The following ZFPM2 variants were observed in gnomAD, a reference collection of about 807,000 sequenced individuals.
ZFPM2 encodes the protein zinc finger protein, FOG family member 2, also known as zinc finger protein ZFPM2.
A neutral mutation model predicts 98.6 loss-of-function variants in ZFPM2; 20 were observed. That is an observed-to-expected ratio of 0.20 (90% confidence interval 0.14 to 0.29). The LOEUF is 0.29. Ranked by LOEUF, ZFPM2 falls within the 10% of genes least tolerant of loss-of-function variation. The pLI is 1.00. For synonymous variants in ZFPM2, 518 were observed against 502.7 expected (o/e 1.03, Z -0.41); for missense variants, 1,310 against 1,388.6 (o/e 0.94, Z 0.90).
At chr8:105,384,237 T>C (rs1810941772) in intron 1 of ZFPM2, among the ~76,000 whole-genome samples, 2 of 151,898 alleles carry the variant, frequency 1.3e-5, no homozygotes, top group African/African-American at 4.8e-5. Flanking sequence ...GTCTTTTGAG[T>C]TGCACAAGCC....
intron 4 of ZFPM2, among the ~76,000 whole-genome samples, chr8:105,627,389 A>T (rs565654168): frequency 6.6e-6 from 1 of 152,256 alleles, no homozygotes; most frequent in South Asian, 2.1e-4. Flanking sequence ...AAAATGTACA[A>T]TGTGGAGCTT....
Position 105,653,854 on chromosome 8 carries a change from C to CTTTTTTTTTTTTTTT in ZFPM2, c.532+19516_532+19530dup, listed in dbSNP as rs60218363. ...CTTTATACAACAGCTTGTGTGCTAT[C>CTTTTTTTTTTTTTTT]TTTTTTTTTTTTTTTTTTTTTTTTT... is the stretch of plus-strand genomic sequence containing the variant. On this transcript the variant is annotated intron_variant, in intron 5 of 7. Transcript: ENST00000407775. Among the ~76,000 whole-genome samples the CTTTTTTTTTTTTTTT allele has an allele frequency of 5.4e-4, 19 of 35,286 alleles. 5 individuals carry two copies. The highest frequency in any genetic ancestry group is 3.8e-3 in the South Asian group (2 of 522). 23.1% of individuals were successfully genotyped at this position (35,286 alleles called of 152,430 possible). A position where few individuals can be genotyped will look rare whatever the true frequency, so the allele number is the denominator to read the frequency against.
At chr8:105,643,568 A>G (rs1275667671) in intron 5 of ZFPM2, among the ~76,000 whole-genome samples, 1 of 152,150 alleles carries the variant, frequency 6.6e-6, no homozygotes, top group Non-Finnish European at 1.5e-5. Context: ...AATGAGTACT[A>G]TATAAATGTA....
chr8:105,413,018 A>T (rs539469569), intron 1 of ZFPM2, among the ~76,000 whole-genome samples: 1 of 152,008 alleles, frequency 6.6e-6, no homozygotes, highest in East Asian at 1.9e-4. Flanking sequence ...TTAAGAGAGG[A>T]GGGGAACGTT....
intron 1 of ZFPM2, among the ~76,000 whole-genome samples, chr8:105,383,373 G>C (rs1187842729): frequency 6.6e-6 from 1 of 152,176 alleles, no homozygotes; most frequent in African/African-American, 2.4e-5. Flanking sequence ...AAAGCATACA[G>C]AGTTACAGTC....
At chr8:105,513,323 A>G (rs778628367) in intron 3 of ZFPM2, among the ~76,000 whole-genome samples, 4 of 152,200 alleles carry the variant, frequency 2.6e-5, no homozygotes, top group Non-Finnish European at 4.4e-5. Context: ...AAATACCTGC[A>G]CTCATGAATC....
intron 5 of ZFPM2, among the ~76,000 whole-genome samples, chr8:105,693,980 CTTTTTTT>C (rs376834507): frequency 8.4e-6 from 1 of 118,412 alleles, no homozygotes; most frequent in East Asian, 2.5e-4. Context: ...TTTTTCTTTT[CTTTTTTT>C]TTTTTTTTTT....
intron 3 of ZFPM2, among the ~76,000 whole-genome samples, chr8:105,456,617 T>G (rs926887268): frequency 1.3e-5 from 2 of 152,122 alleles, no homozygotes; most frequent in African/African-American, 4.8e-5. Flanking sequence ...CTACTATCCA[T>G]TAGCTTTATT....
chr8:105,757,688 G>T (rs192695963), intron 5 of ZFPM2, among the ~76,000 whole-genome samples: 1 of 151,994 alleles, frequency 6.6e-6, no homozygotes, highest in Non-Finnish European at 1.5e-5. Context: ...CAACAATCTG[G>T]AATGGTATTG....
intron 1 of ZFPM2, among the ~76,000 whole-genome samples, chr8:105,407,090 A>G (rs73697322): frequency 0.018 from 2,688 of 149,668 alleles, 95 homozygotes; most frequent in African/African-American, 0.063. Flanking sequence ...TGGGGTGGGA[A>G]TCAGATTAAA....
chr8:105,491,825 G>A (rs553221781), intron 3 of ZFPM2, among the ~76,000 whole-genome samples: 1 of 152,192 alleles, frequency 6.6e-6, no homozygotes, highest in East Asian at 1.9e-4. Context: ...GGTAAAGAGT[G>A]ACTTAGTGGT....
intron 5 of ZFPM2, among the ~76,000 whole-genome samples, chr8:105,734,365 C>A (rs952239291): frequency 2.0e-5 from 3 of 151,796 alleles, no homozygotes; most frequent in Non-Finnish European, 4.4e-5. Flanking sequence ...AACACTTCTC[C>A]AAATGTTTAC....
At chr8:105,386,019 AC>A (rs1415323031) in intron 1 of ZFPM2, among the ~76,000 whole-genome samples, 2 of 152,102 alleles carry the variant, frequency 1.3e-5, no homozygotes, top group East Asian at 1.9e-4. Flanking sequence ...TGAAACAGTT[AC>A]CCCCATTCAT....
At chr8:105,447,549 T>G (rs1812400029) in intron 3 of ZFPM2, among the ~76,000 whole-genome samples, 1 of 152,100 alleles carries the variant, frequency 6.6e-6, no homozygotes, top group South Asian at 2.1e-4. Flanking sequence ...CTAATTGAGT[T>G]TAGCCGCAAA....
In ZFPM2 at chr8:105,557,844, G is replaced by A. The variant is rs73697385; in HGVS notation, c.302-3519G>A. On this transcript the variant is annotated intron_variant, in intron 3 of 7. Coordinates refer to ENST00000407775, the MANE Select transcript of ZFPM2 (RefSeq NM_012082.4). The stretch of plus-strand genomic sequence containing the variant: ...CATCCATCCTCTGATAAAGTGGTTC[G>A]GGGACTTAAGTCTGTGACCCACCAG... Among the ~76,000 whole-genome samples, 249 of 152,122 alleles carry A rather than the reference G, an allele frequency of 1.6e-3. 2 individuals are homozygous for A. The highest frequency in any genetic ancestry group is 5.7e-3 in the African/African-American group (236 of 41,496).
intron 4 of ZFPM2, among the ~76,000 whole-genome samples, chr8:105,607,646 C>G (rs1816222704): frequency 6.6e-6 from 1 of 151,968 alleles, no homozygotes; most frequent in East Asian, 1.9e-4. Flanking sequence ...TCTCCCTAAG[C>G]TGAATACCTT....
chr8:105,321,567 C>G (rs554412247), intron 1 of ZFPM2, among the ~76,000 whole-genome samples: 15 of 151,894 alleles, frequency 9.9e-5, no homozygotes, highest in South Asian at 4.2e-4. Flanking sequence ...TGAAGACAGT[C>G]AATTTAAAGG....
At position 105,798,436 on chromosome 8, in the gene ZFPM2, T is replaced by C. The variant is rs1191427384; in HGVS notation, c.740-288T>C. 1.5e-5 allele frequency: 4 copies of C among 271,288 alleles called. No individual in the cohort carries two copies. In the Admixed American group the frequency reaches 1.9e-4, roughly 13 times the overall value. 16.8% of individuals were successfully genotyped at this position (271,288 alleles called of 1,614,324 possible). A position where few individuals can be genotyped will look rare whatever the true frequency, so the allele number is the denominator to read the frequency against. On this transcript the variant is annotated intron_variant, in intron 6 of 7. Coordinates refer to ENST00000407775, the MANE Select transcript of ZFPM2 (RefSeq NM_012082.4). The stretch of plus-strand genomic sequence containing the variant: ...CTGCACTGCAGCCTAGGTAACACAG[T>C]GAGAATCTGTCGCAAAAAATAAAAT...
intron 3 of ZFPM2, among the ~76,000 whole-genome samples, chr8:105,546,749 A>G (rs1814714664): frequency 6.6e-6 from 1 of 152,160 alleles, no homozygotes; most frequent in Non-Finnish European, 1.5e-5. Flanking sequence ...CAACCAGTCG[A>G]AGGATCCAGA....
Sources: gnomAD v4.1 joint callset for allele counts (sites outside exome capture counted in the v4.1 genomes callset) on GRCh38, gnomAD v4.1.1 for gene constraint, MANE v1.5 for transcripts, NCBI Gene and HGNC (gene_info 2026-07-23, HGNC 2026-07-21) for gene names.